COL24A1: variants seen among roughly 807,000 people sequenced by gnomAD.
COL24A1 encodes collagen alpha-1(XXIV) chain.
Under a neutral mutation model 253.9 loss-of-function variants are expected in COL24A1, and 224 were observed. That is an observed-to-expected ratio of 0.88 (90% confidence interval 0.79 to 0.99). COL24A1 has a LOEUF of 0.99. Ranked by LOEUF, COL24A1 falls within the 50% of genes least tolerant of loss-of-function variation. The probability of loss-of-function intolerance (pLI) is 0.00; values close to 1 mark genes in which losing one functional copy is unlikely to be tolerated. For missense variants in COL24A1, 2,131 were observed against 2,068.5 expected (o/e 1.03, Z -0.59); for synonymous variants, 685 against 673.7 (o/e 1.02, Z -0.26).
At chr1:85,851,869 C>T (rs978696553) in intron 37 of COL24A1, among the ~76,000 whole-genome samples, 2 of 152,106 alleles carry the variant, frequency 1.3e-5, no homozygotes, top group African/African-American at 4.8e-5. Context: ...TATTTTCTCA[C>T]CTTGTTTATT....
chr1:85,796,773 A>T (rs1242242867), intron 47 of COL24A1, among the ~76,000 whole-genome samples: 2 of 152,222 alleles, frequency 1.3e-5, no homozygotes, highest in Non-Finnish European at 2.9e-5. Flanking sequence ...ATTTCATTTG[A>T]TTCTTATAAA....
intron 12 of COL24A1, among the ~76,000 whole-genome samples, chr1:86,036,781 T>C (rs1699066761): frequency 6.6e-6 from 1 of 152,194 alleles, no homozygotes; most frequent in African/African-American, 2.4e-5. Context: ...ACAGTCTCTA[T>C]AATTTCTTTC....
At chr1:86,074,958 C>G (rs897949937) in intron 7 of COL24A1, among the ~76,000 whole-genome samples, 1 of 151,998 alleles carries the variant, frequency 6.6e-6, no homozygotes, top group Non-Finnish European at 1.5e-5. Context: ...AAAATCAACA[C>G]CCTAACCTCA....
intron 5 of COL24A1, among the ~76,000 whole-genome samples, chr1:86,106,618 T>C (rs924171565): frequency 6.6e-6 from 1 of 152,138 alleles, no homozygotes; most frequent in African/African-American, 2.4e-5. Context: ...TTAATAGCAA[T>C]GAACATTCCC....
At chr1:85,782,531 T>C (rs1321852490) in intron 51 of COL24A1, among the ~76,000 whole-genome samples, 3 of 152,122 alleles carry the variant, frequency 2.0e-5, no homozygotes, top group Non-Finnish European at 4.4e-5. Context: ...AGATGATGAG[T>C]TTATGTCCTT....
At chr1:85,927,859 G>A (rs1687483309) in intron 24 of COL24A1, among the ~76,000 whole-genome samples, 1 of 135,184 alleles carries the variant, frequency 7.4e-6, no homozygotes, top group Admixed American at 7.6e-5. Flanking sequence ...CAACAGACCT[G>A]CAGCTGAGGG....
chr1:85,965,411 G>A (rs192223481), intron 22 of COL24A1, among the ~76,000 whole-genome samples: 1 of 152,130 alleles, frequency 6.6e-6, no homozygotes, highest in Admixed American at 6.6e-5. Flanking sequence ...GCAGGGAAGG[G>A]ATATATAAAC....
intron 24 of COL24A1, among the ~76,000 whole-genome samples, chr1:85,924,562 A>G (rs200900945): frequency 6.6e-6 from 1 of 152,330 alleles, no homozygotes; most frequent in Non-Finnish European, 1.5e-5. Context: ...AGAACCAACA[A>G]CAAAAACCAC....
chr1:85,919,054 C>A (rs1368636655), intron 24 of COL24A1, among the ~76,000 whole-genome samples: 2 of 151,822 alleles, frequency 1.3e-5, no homozygotes, highest in Non-Finnish European at 2.9e-5. Context: ...TTTTTTAAGT[C>A]AGTTTCTTTT....
rs1470538860 is a variant in COL24A1, at chr1:85,730,619, TC to T, written c.5071del (p.Glu1691LysfsTer75). 6.2e-7 allele frequency: 1 copy of T among 1,613,928 alleles called. No homozygotes were observed. Among genetic ancestry groups the T allele is most frequent in the Non-Finnish European group, 8.5e-7 (1 of 1,179,914 alleles). On this transcript the variant is annotated frameshift_variant, in exon 60 of 60. Transcript: ENST00000370571. LOFTEE classifies it high-confidence loss of function. ...TTTGAGATGAGGAAGTTTTTGTACTTCAATCACTGGAAGTTGATTAGGTTCC... is the reference window on the plus strand; with the variant it reads ...TTTGAGATGAGGAAGTTTTTGTACTTAATCACTGGAAGTTGATTAGGTTCC... ...TQEPNQLPVI[E>X]VQKLPHLKTE...
chr1:86,136,276 C>T (rs1056485313), intron 2 of COL24A1, among the ~76,000 whole-genome samples: 3 of 152,082 alleles, frequency 2.0e-5, no homozygotes, highest in Non-Finnish European at 4.4e-5. Context: ...CCCTGTAGCA[C>T]TTGTGTACAA....
chr1:86,016,724 A>T (rs774801266), intron 19 of COL24A1, among the ~76,000 whole-genome samples: 1 of 152,230 alleles, frequency 6.6e-6, no homozygotes, highest in African/African-American at 2.4e-5. Flanking sequence ...TTTAAAGTAT[A>T]TACAAACAAA....
intron 53 of COL24A1, among the ~76,000 whole-genome samples, chr1:85,768,196 T>G (rs149282914): frequency 6.6e-6 from 1 of 151,956 alleles, no homozygotes; most frequent in Non-Finnish European, 1.5e-5. Flanking sequence ...AGGAGGTTAG[T>G]GTAGGTGGCA....
chr1:85,794,724 C>T (rs1670637274), intron 47 of COL24A1, among the ~76,000 whole-genome samples: 1 of 151,982 alleles, frequency 6.6e-6, no homozygotes, highest in Admixed American at 6.6e-5. Flanking sequence ...ACAATTCAGC[C>T]TATGTTAAAT....
intron 59 of COL24A1, 73 bp from the exon 60 acceptor site, chr1:85,730,765 A>T (rs113020439): frequency 2.7e-6 from 4 of 1,472,186 alleles, no homozygotes; most frequent in Non-Finnish European, 2.8e-6. Flanking sequence ...TGCCTTTCAC[A>T]GATAATGTGA....
intron 32 of COL24A1, among the ~76,000 whole-genome samples, chr1:85,884,185 T>C (rs1039846715): frequency 2.6e-5 from 4 of 152,152 alleles, no homozygotes; most frequent in Non-Finnish European, 5.9e-5. Flanking sequence ...ATGTCTGCTA[T>C]CCCTGAGTCT....
intron 5 of COL24A1, among the ~76,000 whole-genome samples, chr1:86,107,725 C>T (rs184756029): frequency 0.044 from 6,663 of 151,734 alleles, 508 homozygotes; most frequent in African/African-American, 0.15. Context: ...TTAGTAGAGA[C>T]GGGGTTTCAC....
At chr1:86,155,097 C>G (rs1203162600) in intron 1 of COL24A1, 1 of 152,450 alleles carries the variant, frequency 6.6e-6, no homozygotes, top group African/African-American at 2.4e-5. Context: ...CCCCAGCCTC[C>G]AGCACCCCGC....
intron 5 of COL24A1, among the ~76,000 whole-genome samples, chr1:86,092,602 CTAGG>C (rs1703586090): frequency 6.6e-6 from 1 of 151,600 alleles, no homozygotes; most frequent in Admixed American, 6.6e-5. Flanking sequence ...CTTGAAGGAC[CTAGG>C]TAGATTTATT....
Sources: allele counts gnomAD v4.1 joint callset (sites outside exome capture counted in the v4.1 genomes callset), GRCh38; gene constraint gnomAD v4.1.1; transcripts MANE v1.5; gene names NCBI Gene and HGNC (gene_info 2026-07-23, HGNC 2026-07-21).